KIF24: variants seen among roughly 807,000 people sequenced by gnomAD.
KIF24 encodes the protein kinesin-like protein KIF24.
Under a neutral mutation model 118.9 loss-of-function variants are expected in KIF24, and 81 were observed. The ratio of observed to expected loss-of-function variants is 0.68; its 90% CI spans 0.57 to 0.82. The LOEUF is 0.82. Among genes scored for constraint, KIF24 ranks in the 40% least tolerant of loss-of-function variants. KIF24 has a pLI of 0.00. For missense variants in KIF24, 1,560 were observed against 1,661.6 expected (o/e 0.94, Z 1.06); for synonymous variants, 599 against 610.0 (o/e 0.98, Z 0.27).
chr9:34,326,988 AG>A (rs1837691556), intron 1 of KIF24, among the ~76,000 whole-genome samples: 1 of 152,140 alleles, frequency 6.6e-6, no homozygotes, highest in Non-Finnish European at 1.5e-5. Context: ...TCCTTTCATG[AG>A]GGTTAATTAG....
intron 6 of KIF24, among the ~76,000 whole-genome samples, chr9:34,282,323 T>C (rs1413931244): frequency 2.0e-5 from 3 of 152,192 alleles, no homozygotes; most frequent in East Asian, 3.8e-4. Context: ...ACGGACAGAA[T>C]TGGCAAATCC....
intron 1 of KIF24, among the ~76,000 whole-genome samples, chr9:34,327,584 GTA>G (rs1413074141): frequency 6.6e-6 from 1 of 151,972 alleles, no homozygotes; most frequent in Non-Finnish European, 1.5e-5. Context: ...TCAATAAATG[GTA>G]ACTACTACTT....
At chr9:34,330,694 G>C (rs1056135260), upstream of KIF24, among the ~76,000 whole-genome samples, 1 of 152,200 alleles carries the variant, frequency 6.6e-6, no homozygotes. Context: ...GGGCGCGGTG[G>C]CTCACGCCTG....
intron 8 of KIF24, among the ~76,000 whole-genome samples, chr9:34,268,758 C>T (rs578108779): frequency 8.8e-4 from 133 of 151,806 alleles, no homozygotes; most frequent in African/African-American, 3.0e-3. Flanking sequence ...TCCACCTGCC[C>T]TGGCCTCCCA....
At chr9:34,266,923 T>G (rs1188130290) in intron 8 of KIF24, among the ~76,000 whole-genome samples, 2 of 152,032 alleles carry the variant, frequency 1.3e-5, no homozygotes, top group Non-Finnish European at 2.9e-5. Flanking sequence ...AAAGATATAA[T>G]GATTTCAGTT....
rs765069486 is a variant in KIF24 at position 34,257,974 on chromosome 9, C to A, written c.1633G>T (p.Glu545Ter). Residue 545 changes from glutamate to a stop codon, truncating the protein, a stop_gained, in exon 11 of 13, where the codon GAA becomes TAA. Coordinates refer to ENST00000402558, the MANE Select transcript of KIF24 (RefSeq NM_194313.4). LOFTEE classifies it high-confidence loss of function. ...NTLRYADRVK[E>*]LKKGIKCCTS... is the part of the protein sequence containing the mutation. Reference sequence around the variant, plus strand: ...CAACACTTAATGCCTTTCTTTAGTTCTTTGACCCTGTAAATAATCATTTTA... The same window carrying A: ...CAACACTTAATGCCTTTCTTTAGTTATTTGACCCTGTAAATAATCATTTTA... 3 of 1,585,220 alleles carry A rather than the reference C, an allele frequency of 1.9e-6. No homozygotes were observed. The African/African-American group carries it at 4.1e-5, about 22-fold the overall frequency.
At chr9:34,314,924 A>G (rs1837285467) in intron 1 of KIF24, among the ~76,000 whole-genome samples, 1 of 152,256 alleles carries the variant, frequency 6.6e-6, no homozygotes, top group Non-Finnish European at 1.5e-5. Flanking sequence ...AACAGTTTGT[A>G]AAAGAGAGAG....
At chr9:34,300,298 TAG>T (rs1183252022) in intron 3 of KIF24, among the ~76,000 whole-genome samples, 4 of 152,088 alleles carry the variant, frequency 2.6e-5, no homozygotes, top group African/African-American at 4.8e-5. Flanking sequence ...GACAGGCACA[TAG>T]AGAGGTCATT....
rs1563928214 is a variant in KIF24 at position 34,252,498 on chromosome 9, AACT to A, written c.*1879_*1881del. ...CTAACTATTTTGATTCTTCAGAGAG[AACT>A]ACTAATAAAAATCTAAAAGGTATGT... On this transcript the variant is annotated 3_prime_UTR_variant, in exon 13 of 13. Coordinates refer to ENST00000402558, the MANE Select transcript of KIF24 (RefSeq NM_194313.4). The A allele has an allele frequency of 5.2e-5, 8 of 152,618 alleles. No homozygotes were observed. The highest frequency in any genetic ancestry group is 7.3e-5 in the Non-Finnish European group (5 of 68,042). 9.5% of individuals were successfully genotyped at this position (152,618 alleles called of 1,614,324 possible).
rs776092066 is a variant in KIF24 at position 34,257,346 on chromosome 9, G to C, written c.2261C>G (p.Pro754Arg). Residue 754 changes from proline (P) to arginine (R), a missense_variant, in exon 11 of 13, where the codon CCG becomes CGG. Around this residue, in one of 3 missense-constraint regions of KIF24, gnomAD observed 964 missense variants for 988.0 expected, o/e 0.98. Coordinates refer to ENST00000402558, the MANE Select transcript of KIF24 (RefSeq NM_194313.4). Reference sequence around the variant, plus strand: ...TTCCTCCCTCTCCTTCTGATGTGGCGGGATGTTTGTCCAAGCTTCAGAGGC... The same window carrying C: ...TTCCTCCCTCTCCTTCTGATGTGGCCGGATGTTTGTCCAAGCTTCAGAGGC... ...RPASEAWTNIPPHQKEREEHL... is the reference protein window; with the variant it reads ...RPASEAWTNIRPHQKEREEHL... 6.2e-7 allele frequency: 1 copy of C among 1,614,052 alleles called. No homozygotes were observed. The highest frequency in any genetic ancestry group is 8.5e-7 in the Non-Finnish European group (1 of 1,179,896).
intron 10 of KIF24, among the ~76,000 whole-genome samples, chr9:34,259,249 G>A (rs1281037524): frequency 2.0e-5 from 3 of 152,200 alleles, no homozygotes; most frequent in African/African-American, 7.2e-5. Flanking sequence ...TTTGGGCTGA[G>A]GCCAGCAGGA....
At chr9:34,295,977 T>C (rs562814264) in intron 4 of KIF24, among the ~76,000 whole-genome samples, 173 of 149,112 alleles carry the variant, frequency 1.2e-3, no homozygotes, top group Middle Eastern at 3.5e-3. Context: ...CCCAGCACTT[T>C]GGGAGGCCGA....
At chr9:34,258,780 A>G (rs1284007801) in intron 10 of KIF24, among the ~76,000 whole-genome samples, 1 of 152,180 alleles carries the variant, frequency 6.6e-6, no homozygotes, top group African/African-American at 2.4e-5. Flanking sequence ...AGGAAGCAAA[A>G]CCTCCAGAAA....
intron 3 of KIF24, among the ~76,000 whole-genome samples, chr9:34,300,520 A>G (rs1280660785): frequency 6.6e-6 from 1 of 151,774 alleles, no homozygotes; most frequent in African/African-American, 2.4e-5. Flanking sequence ...AGTGCCCACC[A>G]CCATGCCCAG....
At position 34,295,049 on chromosome 9, in the gene KIF24, A is replaced by G. The variant is rs567418232; in HGVS notation, c.911+1968T>C. Among the ~76,000 whole-genome samples the G allele has an allele frequency of 1.1e-4, 17 of 152,316 alleles. No individual in the cohort carries two copies. The East Asian group carries it at 2.9e-3, about 26-fold the overall frequency. On this transcript the variant is annotated intron_variant, in intron 4 of 12. Transcript: ENST00000402558. Reference sequence around the variant, plus strand: ...AAAGTTGTTTGAAAAAACAGTCAAAATTCTCTGGAATCAGCAACACTAGCA... The same window carrying G: ...AAAGTTGTTTGAAAAAACAGTCAAAGTTCTCTGGAATCAGCAACACTAGCA...
At chr9:34,264,965 C>T (rs1835231540) in intron 8 of KIF24, among the ~76,000 whole-genome samples, 1 of 151,886 alleles carries the variant, frequency 6.6e-6, no homozygotes, top group Non-Finnish European at 1.5e-5. Flanking sequence ...CGTTAAGTGA[C>T]AAAAGCGAAG....
chr9:34,256,280 A>G lies in KIF24; in HGVS notation c.3327T>C (p.Thr1109=). The change falls in exon 11 of 13, where the codon ACT becomes ACC. Residue 1109 remains threonine (T), a synonymous_variant. Coordinates refer to ENST00000402558, the MANE Select transcript of KIF24 (RefSeq NM_194313.4). ...GAGATGAGGACAGCCACAGGTGCCT[A>G]GTTGCTGAAGACACTGGCAAGGCTG... is the stretch of plus-strand genomic sequence containing the variant. ...QEAALPVSSA[T]RHLWLSSSPP... is the part of the protein sequence containing the mutation. The G allele has an allele frequency of 6.2e-7, 1 of 1,610,670 alleles. No homozygotes were observed. The highest frequency in any genetic ancestry group is 8.5e-7 in the Non-Finnish European group (1 of 1,178,162).
chr9:34,313,128 A>G (rs1837222816), intron 1 of KIF24, among the ~76,000 whole-genome samples: 1 of 152,202 alleles, frequency 6.6e-6, no homozygotes. Flanking sequence ...TGTTTTGCCC[A>G]ATACAATATG....
intron 8 of KIF24, 57 bp from the exon 9 acceptor site, chr9:34,263,229 C>T: frequency 1.7e-6 from 2 of 1,186,888 alleles, no homozygotes; most frequent in South Asian, 1.3e-5. Context: ...GAGTAACAGA[C>T]CTGATGCCGC....
Sources: gnomAD v4.1 joint callset for allele counts (sites outside exome capture counted in the v4.1 genomes callset) on GRCh38, gnomAD v4.1.1 for gene constraint, gnomAD v4.1.1 regional missense constraint, MANE v1.5 for transcripts, NCBI Gene and HGNC (gene_info 2026-07-23, HGNC 2026-07-21) for gene names.